The following PPARG variants were observed in gnomAD, a reference collection of about 807,000 sequenced individuals.
PPARG encodes the protein peroxisome proliferator activated receptor gamma, also known as peroxisome proliferator-activated receptor gamma.
PPARG carries 17 observed loss-of-function variants against 39.2 expected under a neutral mutation model. The ratio of observed to expected loss-of-function variants is 0.43; its 90% CI spans 0.30 to 0.65. PPARG has a LOEUF of 0.65. Ranked by LOEUF, PPARG falls within the 30% of genes least tolerant of loss-of-function variation. PPARG has a pLI of 0.13. For missense variants in PPARG, 406 were observed against 585.9 expected (o/e 0.69, Z 3.17); for synonymous variants, 223 against 215.7 (o/e 1.03, Z -0.30).
intron 2 of PPARG, among the ~76,000 whole-genome samples, chr3:12,346,125 A>C (rs965875437): frequency 2.6e-5 from 4 of 152,226 alleles, no homozygotes; most frequent in African/African-American, 9.6e-5. Flanking sequence ...AAAGTGGTTA[A>C]ACAGGTTAGT....
intron 2 of PPARG, among the ~76,000 whole-genome samples, chr3:12,353,931 A>G (rs1353861988): frequency 2.0e-5 from 3 of 152,204 alleles, no homozygotes; most frequent in South Asian, 2.1e-4. Flanking sequence ...TGTGAATTCT[A>G]CAATTTTAAG....
chr3:12,410,254 T>C (rs2050834884), intron 6 of PPARG, among the ~76,000 whole-genome samples: 1 of 152,184 alleles, frequency 6.6e-6, no homozygotes, highest in Non-Finnish European at 1.5e-5. Flanking sequence ...CTGAAAACCA[T>C]GCATATGCCA....
At chr3:12,386,322 A>G (rs2049871780) in intron 4 of PPARG, among the ~76,000 whole-genome samples, 1 of 152,150 alleles carries the variant, frequency 6.6e-6, no homozygotes, top group South Asian at 2.1e-4. Flanking sequence ...CGGTGTAAAA[A>G]AAGTAAAAGC....
At chr3:12,352,256 C>T (rs978222148) in intron 2 of PPARG, among the ~76,000 whole-genome samples, 9 of 152,186 alleles carry the variant, frequency 5.9e-5, no homozygotes, top group Non-Finnish European at 1.3e-4. Context: ...GTGCCTAATG[C>T]ATTGCAGAAT....
intron 2 of PPARG, among the ~76,000 whole-genome samples, chr3:12,336,630 C>A (rs1157968183): frequency 2.6e-5 from 4 of 152,114 alleles, no homozygotes; most frequent in African/African-American, 9.7e-5. Context: ...CCTTTAGAGT[C>A]CTCCAGATTT....
intron 7 of PPARG, among the ~76,000 whole-genome samples, chr3:12,432,436 A>G (rs2051693094): frequency 1.3e-5 from 2 of 152,246 alleles, no homozygotes; most frequent in African/African-American, 4.8e-5. Flanking sequence ...TTTGATAAAA[A>G]TTCAACAACA....
At chr3:12,290,386 C>T (rs753504534) in intron 1 of PPARG, among the ~76,000 whole-genome samples, 2 of 151,792 alleles carry the variant, frequency 1.3e-5, no homozygotes, top group South Asian at 4.2e-4. Context: ...AAATGTCCAC[C>T]GGCCTCATAT....
intron 2 of PPARG, among the ~76,000 whole-genome samples, chr3:12,369,411 G>A (rs1037597186): frequency 3.9e-5 from 6 of 152,056 alleles, no homozygotes; most frequent in South Asian, 2.1e-4. Flanking sequence ...AGGATTTCTC[G>A]AGCCCGGGAG....
At chr3:12,365,664 T>C (rs2048994280) in intron 2 of PPARG, among the ~76,000 whole-genome samples, 1 of 152,118 alleles carries the variant, frequency 6.6e-6, no homozygotes, top group Non-Finnish European at 1.5e-5. Flanking sequence ...AGACTGTCTT[T>C]GCTCCAGTGT....
At chr3:12,391,666 TA>T (rs896541619) in intron 4 of PPARG, among the ~76,000 whole-genome samples, 3 of 152,164 alleles carry the variant, frequency 2.0e-5, no homozygotes, top group African/African-American at 7.2e-5. Context: ...ATTAATTATT[TA>T]AATGAAGCTG....
At chr3:12,418,716 G>A (rs913568244) in intron 7 of PPARG, among the ~76,000 whole-genome samples, 5 of 152,124 alleles carry the variant, frequency 3.3e-5, no homozygotes, top group African/African-American at 4.8e-5. Context: ...GCAAGGTTAC[G>A]TGGCTAGCAA....
intron 4 of PPARG, among the ~76,000 whole-genome samples, chr3:12,390,871 G>A (rs2050052709): frequency 6.6e-6 from 1 of 151,824 alleles, no homozygotes; most frequent in Non-Finnish European, 1.5e-5. Context: ...GGCTAGTCTC[G>A]AACTCCTGGA....
chr3:12,330,302 T>A (rs71304100), intron 2 of PPARG, among the ~76,000 whole-genome samples: 16,207 of 120,566 alleles, frequency 0.13, 1,208 homozygotes, highest in East Asian at 0.28. Flanking sequence ...CACCTTTTTT[T>A]AAAAAAAAAA....
intron 2 of PPARG, among the ~76,000 whole-genome samples, chr3:12,353,826 C>T (rs2048569785): frequency 6.6e-6 from 1 of 152,158 alleles, no homozygotes; most frequent in Non-Finnish European, 1.5e-5. Context: ...GGCTCTGAAA[C>T]CATTTCCACT....
At chr3:12,396,757 C>CAA (rs1208855424) in intron 5 of PPARG, among the ~76,000 whole-genome samples, 8 of 56,208 alleles carry the variant, frequency 1.4e-4, no homozygotes, top group South Asian at 1.2e-3. Context: ...GACCCAGTCT[C>CAA]AAAAAAAAAA....
intron 2 of PPARG, among the ~76,000 whole-genome samples, chr3:12,368,473 C>T (rs112129117): frequency 0.037 from 5,667 of 152,180 alleles, 291 homozygotes; most frequent in East Asian, 0.29. Flanking sequence ...TGAGCCACCA[C>T]GCCCAGCCTC....
At chr3:12,340,273 T>C (rs2048145830) in intron 2 of PPARG, among the ~76,000 whole-genome samples, 1 of 152,244 alleles carries the variant, frequency 6.6e-6, no homozygotes, top group South Asian at 2.1e-4. Context: ...GCAATCTGCC[T>C]CCTTCCGTCT....
chr3:12,325,816 A>G (rs1399786185), intron 2 of PPARG, among the ~76,000 whole-genome samples: 3 of 152,140 alleles, frequency 2.0e-5, no homozygotes, highest in African/African-American at 4.8e-5. Context: ...TGAAAAGGGA[A>G]CTAAACTTGT....
chr3:12,380,051 T>A, intron 3 of PPARG, 120 bp downstream of exon 3: 1 of 902,714 alleles, frequency 1.1e-6, no homozygotes, highest in Non-Finnish European at 1.8e-6. Context: ...CATTCACCAT[T>A]CATTTATTCA....
Sources: allele counts gnomAD v4.1 joint callset (sites outside exome capture counted in the v4.1 genomes callset), GRCh38; gene constraint gnomAD v4.1.1; transcripts MANE v1.5; gene names NCBI Gene and HGNC (gene_info 2026-07-23, HGNC 2026-07-21).